INTS4: variants seen among roughly 807,000 people sequenced by gnomAD.
INTS4 encodes integrator complex subunit 4.
INTS4 carries 70 observed loss-of-function variants against 119.5 expected under a neutral mutation model. That is an observed-to-expected ratio of 0.59 (90% CI 0.48 to 0.71). INTS4 has a LOEUF of 0.71. Among genes scored for constraint, INTS4 ranks in the 30% least tolerant of loss-of-function variants. The probability of loss-of-function intolerance (pLI) is 0.00; values close to 1 mark genes in which losing one functional copy is unlikely to be tolerated. For missense variants in INTS4, 867 were observed against 1,173.2 expected, an observed-to-expected ratio of 0.74 and a Z score of 3.81; for synonymous variants, 316 against 419.6, an observed-to-expected ratio of 0.75 and a Z score of 3.02.
intron 10 of INTS4, among the ~76,000 whole-genome samples, chr11:77,936,166 T>C (rs1190346441): frequency 2.6e-5 from 3 of 114,088 alleles, no homozygotes; most frequent in Non-Finnish European, 3.7e-5. Flanking sequence ...GGATGGAATA[T>C]ATACAGGATG....
intron 8 of INTS4, among the ~76,000 whole-genome samples, chr11:77,952,479 G>C (rs917264994): frequency 6.6e-6 from 1 of 152,206 alleles, no homozygotes; most frequent in Non-Finnish European, 1.5e-5. Flanking sequence ...TGTATATAAA[G>C]AAGTGGGTTA....
At chr11:77,895,744 A>G (rs1326015668) in intron 18 of INTS4, among the ~76,000 whole-genome samples, 1 of 152,070 alleles carries the variant, frequency 6.6e-6, no homozygotes. Flanking sequence ...CTGATTATAT[A>G]GAGAATCATC....
At chr11:77,972,813 A>T (rs377334581) in intron 4 of INTS4, among the ~76,000 whole-genome samples, 6 of 144,264 alleles carry the variant, frequency 4.2e-5, no homozygotes, top group African/African-American at 1.6e-4. Flanking sequence ...AGATTTATTC[A>T]TAAGTTTTCT....
At chr11:77,948,654 C>CAAAAAAAA (rs138277574) in intron 8 of INTS4, among the ~76,000 whole-genome samples, 4 of 91,378 alleles carry the variant, frequency 4.4e-5, no homozygotes, top group African/African-American at 7.9e-5. Context: ...CTCAAAGAAA[C>CAAAAAAAA]AAAAAAAAAA....
chr11:77,911,211 T>C (rs1286817465), intron 15 of INTS4: 1 of 1,082,122 alleles, frequency 9.2e-7, no homozygotes, highest in Non-Finnish European at 1.2e-6. Context: ...ATGTATGATA[T>C]ATATCACTTC....
chr11:77,964,053 C>T (rs1855374727), intron 4 of INTS4, among the ~76,000 whole-genome samples: 1 of 152,126 alleles, frequency 6.6e-6, no homozygotes, highest in South Asian at 2.1e-4. Flanking sequence ...GGAAAGAAAG[C>T]AGAAGACCCT....
intron 9 of INTS4, among the ~76,000 whole-genome samples, chr11:77,940,138 G>C (rs1275919085): frequency 1.3e-5 from 2 of 152,076 alleles, no homozygotes; most frequent in African/African-American, 2.4e-5. Flanking sequence ...TTTCATAAGA[G>C]GCATTTGGGG....
intron 4 of INTS4, among the ~76,000 whole-genome samples, chr11:77,976,127 T>TA (rs397969824): frequency 1.3e-4 from 20 of 152,068 alleles, no homozygotes; most frequent in East Asian, 5.8e-4. Context: ...AGAGATTTTT[T>TA]AAAAATGAAG....
intron 1 of INTS4, among the ~76,000 whole-genome samples, chr11:77,991,536 T>C (rs1856686938): frequency 6.6e-6 from 1 of 152,122 alleles, no homozygotes; most frequent in Non-Finnish European, 1.5e-5. Context: ...TCTCAGTTTA[T>C]GTCTCTGTAA....
intron 15 of INTS4, among the ~76,000 whole-genome samples, chr11:77,916,341 T>C (rs1412009683): frequency 6.6e-6 from 1 of 152,248 alleles, no homozygotes; most frequent in Non-Finnish European, 1.5e-5. Context: ...GTATAGTCTG[T>C]TGCTCCTAGG....
chr11:77,910,011 C>T (rs972495003), intron 15 of INTS4, among the ~76,000 whole-genome samples: 1 of 151,998 alleles, frequency 6.6e-6, no homozygotes, highest in Non-Finnish European at 1.5e-5. Context: ...TAAACTAGTT[C>T]AACCATTGTG....
At chr11:77,939,336 C>T (rs988098768) in intron 9 of INTS4, among the ~76,000 whole-genome samples, 9 of 152,092 alleles carry the variant, frequency 5.9e-5, no homozygotes, top group South Asian at 2.1e-4. Context: ...ATTAGCTGGG[C>T]GTGGTGGCAC....
At chr11:77,886,311 C>T (rs994114988) in intron 21 of INTS4, among the ~76,000 whole-genome samples, 2 of 152,214 alleles carry the variant, frequency 1.3e-5, no homozygotes, top group African/African-American at 2.4e-5. Flanking sequence ...CATTTGTCTA[C>T]TCCAAAAGTG....
At chr11:77,878,708 A>G (rs1951676646), downstream of INTS4, 1 of 695,384 alleles carries the variant, frequency 1.4e-6, no homozygotes, top group East Asian at 2.7e-5. Context: ...ACAGACCAGG[A>G]ACTAGAACAG....
At position 77,879,155 on chromosome 11, in the gene INTS4, A is replaced by G. The variant is rs770301745; in HGVS notation, c.2714-28T>C. ...GAAAAAAAGATAAAAGAAATCCTCTATAACTAGGCAACTGCTAGGAATGAG... is the reference window on the plus strand; with the variant it reads ...GAAAAAAAGATAAAAGAAATCCTCTGTAACTAGGCAACTGCTAGGAATGAG... On this transcript the variant is annotated intron_variant, in intron 22 of 22. Transcript: ENST00000534064. The G allele has an allele frequency of 1.4e-5, 22 of 1,610,926 alleles. No individual in the cohort carries two copies. In the East Asian group the frequency reaches 3.8e-4, roughly 28 times the overall value.
At chr11:77,963,308 T>C (rs1266336250) in intron 4 of INTS4, 1 of 356,976 alleles carries the variant, frequency 2.8e-6, no homozygotes, top group African/African-American at 2.5e-5. Flanking sequence ...GTCATCATCA[T>C]TAAGAACTGC....
chr11:77,897,117 A>G (rs1952559335), intron 18 of INTS4, among the ~76,000 whole-genome samples: 1 of 151,974 alleles, frequency 6.6e-6, no homozygotes, highest in African/African-American at 2.4e-5. Flanking sequence ...GCAATATGGA[A>G]ATAATTGGAA....
At chr11:77,960,439 A>G in intron 5 of INTS4, 48 bp from the exon 6 acceptor site, 1 of 1,305,466 alleles carries the variant, frequency 7.7e-7, no homozygotes, top group South Asian at 1.2e-5. Flanking sequence ...AAAGAGCAAT[A>G]TTTCCAATGT....
At chr11:77,883,208 G>A (rs565876930) in intron 22 of INTS4, among the ~76,000 whole-genome samples, 1 of 152,204 alleles carries the variant, frequency 6.6e-6, no homozygotes, top group African/African-American at 2.4e-5. Flanking sequence ...TCCAGTAACA[G>A]TGCTCCTGAA....
Sources: allele counts gnomAD v4.1 joint callset (sites outside exome capture counted in the v4.1 genomes callset), GRCh38; gene constraint gnomAD v4.1.1; transcripts MANE v1.5; gene names NCBI Gene and HGNC (gene_info 2026-07-23, HGNC 2026-07-21).